GPR179: variants seen among roughly 807,000 people sequenced by gnomAD.
GPR179 encodes the protein probable G protein-coupled receptor 179.
GPR179 carries 52 observed loss-of-function variants against 70.8 expected under a neutral mutation model. That is an observed-to-expected ratio of 0.73 (90% CI 0.59 to 0.93). The LOEUF (loss-of-function observed/expected upper bound fraction) is 0.93. Ranked by LOEUF, GPR179 falls within the 40% of genes least tolerant of loss-of-function variation. The pLI, the probability that GPR179 is intolerant of heterozygous loss-of-function variation, is 0.00. For synonymous variants in GPR179, 1,123 were observed against 1,169.0 expected (o/e 0.96, Z 0.80); for missense variants, 2,734 against 2,966.8 (o/e 0.92, Z 1.82).
rs777188208 is a variant in GPR179, at chr17:38,333,983, G to A, written c.1840C>T (p.His614Tyr). The change falls in exon 9 of 11, where the codon CAC becomes TAC. Residue 614 changes from histidine to tyrosine, a missense_variant. His to Tyr is a moderately conservative substitution (Grantham distance 83). Transcript: ENST00000616987. ...PDWTLLLFFF[H>Y]THSTVTTTLA... ...GTGGTGGTGACTGTGCTGTGGGTGTGGAAGAAGAAGAGGAGGAGGGTCCAG... is the reference window on the plus strand; with the variant it reads ...GTGGTGGTGACTGTGCTGTGGGTGTAGAAGAAGAAGAGGAGGAGGGTCCAG... 3 of 1,613,880 alleles carry A rather than the reference G, an allele frequency of 1.9e-6. No homozygotes were observed. The highest frequency in any genetic ancestry group is 2.5e-6 in the Non-Finnish European group (3 of 1,179,894).
In GPR179 at chr17:38,329,637, T is replaced by A; in HGVS notation, c.3932A>T (p.Glu1311Val). Residue 1311 changes from glutamate (E) to valine (V), a missense_variant, in exon 11 of 11, where the codon GAG (glutamate) becomes GTG (valine). Physicochemically the swap from Glu to Val is moderately radical, Grantham distance 121 (BLOSUM62 -2). Transcript: ENST00000616987. ...TGCTTCCTGCTCCCTCACCAGCCTCTCTGGCTTTTTCCGCATCATGGGAAC... is the reference window on the plus strand; with the variant it reads ...TGCTTCCTGCTCCCTCACCAGCCTCACTGGCTTTTTCCGCATCATGGGAAC... Reference protein sequence around the residue: ...DVVPMMRKKPERLVREQEAVC... With the variant: ...DVVPMMRKKPVRLVREQEAVC... 6.2e-7 allele frequency: 1 copy of A among 1,614,156 alleles called. No homozygotes were observed.
chr17:38,334,789 C>T lies in GPR179; in HGVS notation c.1699G>A (p.Val567Met). 6.2e-7 allele frequency: 1 copy of T among 1,613,516 alleles called. No homozygotes were observed. Among genetic ancestry groups the T allele is most frequent in the African/African-American group, 1.3e-5 (1 of 75,028 alleles). The change falls in exon 8 of 11, where the codon GTG (valine) becomes ATG (methionine). Residue 567 changes from valine (V) to methionine (M), a missense_variant. Transcript: ENST00000616987. This position sits in a 1 kb window ranked among gnomAD's most constrained non-coding sequence, Gnocchi z 4.7. ...CGTGGCTCATGGAAGGCCGAGAGCACAGCCCGTGTGGCGTAGCAGAGGAAG... is the reference window on the plus strand; with the variant it reads ...CGTGGCTCATGGAAGGCCGAGAGCATAGCCCGTGTGGCGTAGCAGAGGAAG... ...GSFLCYATRA[V>M]LSAFHEPRYM... is the part of the protein sequence containing the mutation.
rs2144276619 is a variant in GPR179, at chr17:38,339,482, T to A, written c.838A>T (p.Asn280Tyr). Residue 280 changes from asparagine to tyrosine, a missense_variant, in exon 2 of 11, where the codon AAT becomes TAT. Coordinates refer to ENST00000616987, the MANE Select transcript of GPR179 (RefSeq NM_001004334.4). ...CAGCCTGGGCCACTTGCACACTGAT[T>A]GATGTCCACACTCTGGAGATCTACG... Reference protein sequence around the residue: ...MDVDLQSVDINQCASGPGWYS... With the variant: ...MDVDLQSVDIYQCASGPGWYS... 1 of 1,614,100 alleles carries A rather than the reference T, an allele frequency of 6.2e-7. No homozygotes were observed. The highest frequency in any genetic ancestry group is 1.1e-5 in the South Asian group (1 of 91,084).
chr17:38,326,482 G>A lies in GPR179; in HGVS notation c.7087C>T (p.Pro2363Ser). 1 of 1,608,714 alleles carries A rather than the reference G, an allele frequency of 6.2e-7. No individual in the cohort carries two copies. The highest frequency in any genetic ancestry group is 8.5e-7 in the Non-Finnish European group (1 of 1,175,924). The stretch of plus-strand genomic sequence containing the variant: ...TAAGGCTGTTACTCCCAATCCCAAG[G>A]ATAGACAGTGGGAGGGGTGAATTCT... Reference protein sequence around the residue: ...YEEFTPPTVYPWDWE With the variant: ...YEEFTPPTVYSWDWE Residue 2363 changes from proline to serine, a missense_variant, in exon 11 of 11, where the codon CCT becomes TCT. Pro to Ser is a moderately conservative substitution (Grantham distance 74, BLOSUM62 -1). Transcript: ENST00000616987.
At chr17:38,335,532 A>G in intron 6 of GPR179, 59 bp downstream of exon 6, 1 of 1,236,190 alleles carries the variant, frequency 8.1e-7, no homozygotes, top group East Asian at 2.3e-5. Flanking sequence ...CCATTCCATG[A>G]GTGAGCTGGG....
At position 38,330,367 on chromosome 17, in the gene GPR179, T is replaced by C. The variant is rs1445175085; in HGVS notation, c.3202A>G (p.Ile1068Val). 6.2e-7 allele frequency: 1 copy of C among 1,613,808 alleles called. No homozygotes were observed. Among genetic ancestry groups the C allele is most frequent in the South Asian group, 1.1e-5 (1 of 90,998 alleles). The change falls in exon 11 of 11, where the codon ATC (isoleucine) becomes GTC (valine). Residue 1068 changes from isoleucine (I) to valine (V), a missense_variant. Ile to Val is a conservative substitution (Grantham distance 29). Transcript: ENST00000616987. Reference sequence around the variant, plus strand: ...TTGAGGCTGTGGGATTTAGGGAAGATCTTGGGCCTGTCTTCGTCCACATCA... The same window carrying C: ...TTGAGGCTGTGGGATTTAGGGAAGACCTTGGGCCTGTCTTCGTCCACATCA... ...ANDVDEDRPK[I>V]FPKSHSLKAP...
In GPR179 at chr17:38,337,660, C is replaced by T; in HGVS notation, c.964G>A (p.Gly322Arg). The T allele has an allele frequency of 6.2e-7, 1 of 1,608,556 alleles. No individual in the cohort carries two copies. Among genetic ancestry groups the T allele is most frequent in the Non-Finnish European group, 8.5e-7 (1 of 1,177,534 alleles). Residue 322 changes from glycine (G) to arginine (R), a missense_variant, in exon 3 of 11, where the codon GGA becomes AGA. Coordinates refer to ENST00000616987, the MANE Select transcript of GPR179 (RefSeq NM_001004334.4). ...LGRYLCRCRP[G>R]FYGASPSGGL... ...CCAGAGGGGCTTGCCCCGTAGAATC[C>T]AGGTCGGCAGCGGCAGAGGTAGCGG...
chr17:38,336,854 A>G, intron 4 of GPR179, 124 bp downstream of exon 4: 1 of 996,760 alleles, frequency 1.0e-6, no homozygotes, highest in Non-Finnish European at 1.5e-6. Context: ...ATCATGCTAC[A>G]CAGTGAGTTA....
Position 38,339,449 on chromosome 17 carries a change from T to G in GPR179, c.871A>C (p.Asn291His). ...CTGTTGAGATCACACAGGTGTGTGT[T>G]AGAGTACCAGCCTGGGCCACTTGCA... is the stretch of plus-strand genomic sequence containing the variant. Reference protein sequence around the residue: ...QCASGPGWYSNTHLCDLNSTQ... With the variant: ...QCASGPGWYSHTHLCDLNSTQ... Residue 291 changes from asparagine to histidine, a missense_variant, in exon 2 of 11, where the codon AAC (asparagine) becomes CAC (histidine). Transcript: ENST00000616987. The G allele has an allele frequency of 6.2e-7, 1 of 1,613,734 alleles. No homozygotes were observed. The highest frequency in any genetic ancestry group is 8.5e-7 in the Non-Finnish European group (1 of 1,179,694).
chr17:38,336,843 C>T, intron 4 of GPR179, 135 bp downstream of exon 4: 2 of 901,528 alleles, frequency 2.2e-6, no homozygotes, highest in Non-Finnish European at 3.3e-6. Flanking sequence ...AAATCACTTG[C>T]ATCATGCTAC....
intron 4 of GPR179, 109 bp from the exon 5 acceptor site, chr17:38,336,253 G>A (rs2037403894): frequency 2.5e-6 from 2 of 786,596 alleles, no homozygotes; most frequent in African/African-American, 1.7e-5. Flanking sequence ...GCTTCACCCT[G>A]TAACACTGGC....
rs1288307095 is a variant in GPR179, at chr17:38,339,436, C to T, written c.884G>A (p.Cys295Tyr). 6.2e-7 allele frequency: 1 copy of T among 1,612,542 alleles called. No homozygotes were observed. Among genetic ancestry groups the T allele is most frequent in the East Asian group, 2.2e-5 (1 of 44,872 alleles). ...CCTTACCTGGGTGCTGTTGAGATCA[C>T]ACAGGTGTGTGTTAGAGTACCAGCC... ...GPGWYSNTHL[C>Y]DLNSTQCVPL... The change falls in exon 2 of 11, where the codon TGT becomes TAT. Residue 295 changes from cysteine to tyrosine, a missense_variant. By Grantham distance (194) the Cys-to-Tyr change is radical. Coordinates refer to ENST00000616987, the MANE Select transcript of GPR179 (RefSeq NM_001004334.4).
At position 38,331,301 on chromosome 17, in the gene GPR179, G is replaced by A. The variant is rs1172945960; in HGVS notation, c.2268C>T (p.Ser756=). The change falls in exon 11 of 11, where the codon AGC becomes AGT. Residue 756 remains serine (S), a synonymous_variant. Coordinates refer to ENST00000616987, the MANE Select transcript of GPR179 (RefSeq NM_001004334.4). The part of the protein sequence containing the change: ...LPGSSRRRLL[S]SSLQEPEGTP... The stretch of plus-strand genomic sequence containing the variant: ...TCCCCTCGGGTTCCTGGAGGCTGGA[G>A]CTGAGGAGCCGGCGGCGGGAGGAGC... 1 of 1,602,420 alleles carries A rather than the reference G, an allele frequency of 6.2e-7. No individual in the cohort carries two copies. Among genetic ancestry groups the A allele is most frequent in the Admixed American group, 1.7e-5 (1 of 58,200 alleles).
rs2037292236 is a variant in GPR179 at position 38,326,915 on chromosome 17, C to T, written c.6654G>A (p.Met2218Ile). ...TGATTTCCCATTGGCACAGCTCTGC[C>T]ATCCTGCTTCCCATGCTGCCTGCTT... ...PKEAGSMGSR[M>I]AELCQWEITD... is the part of the protein sequence containing the mutation. Residue 2218 changes from methionine (M) to isoleucine (I), a missense_variant, in exon 11 of 11, where the codon ATG becomes ATA. By Grantham distance (10) the Met-to-Ile change is conservative. Coordinates refer to ENST00000616987, the MANE Select transcript of GPR179 (RefSeq NM_001004334.4). 1.2e-6 allele frequency: 2 copies of T among 1,614,048 alleles called. No individual in the cohort carries two copies. The highest frequency in any genetic ancestry group is 1.3e-5 in the African/African-American group (1 of 74,910).
In GPR179 at chr17:38,326,646, CCTT is replaced by C; in HGVS notation, c.6920_6922del (p.Glu2307del). On this transcript the variant is annotated inframe_deletion, in exon 11 of 11. Transcript: ENST00000616987. ...TGAAGGTCCTTGTAGTTCTCTGACA[CCTT>C]CTAGAGTGAAAGTACTGGCTGGCCT... 1.9e-6 allele frequency: 3 copies of C among 1,614,202 alleles called. No homozygotes were observed. The highest frequency in any genetic ancestry group is 1.7e-5 in the Admixed American group (1 of 60,022).
At position 38,329,233 on chromosome 17, in the gene GPR179, G is replaced by C; in HGVS notation, c.4336C>G (p.Pro1446Ala). Reference protein sequence around the residue: ...RGPSAVSIQAPGSSECSGSLG... With the variant: ...RGPSAVSIQAAGSSECSGSLG... ...CTCCCTGAACACTCTGAGCTTCCTG[G>C]GGCCTGAATTGAGACTGCTGAGGGG... Residue 1446 changes from proline to alanine, a missense_variant, in exon 11 of 11, where the codon CCA becomes GCA. By Grantham distance (27) the Pro-to-Ala change is conservative (BLOSUM62 -1). Transcript: ENST00000616987. The C allele has an allele frequency of 1.2e-6, 2 of 1,613,810 alleles. No homozygotes were observed. Among genetic ancestry groups the C allele is most frequent in the South Asian group, 2.2e-5 (2 of 91,024 alleles).
Position 38,333,191 on chromosome 17 carries a change from C to G in GPR179, c.2037+60G>C, listed in dbSNP as rs1226894385. ...ATAGCCCAGGTGGCAGGGCCCAGTC[C>G]TCCCTCTGCCCAGTTCCTAAAAGCT... On this transcript the variant is annotated intron_variant, in intron 10 of 10. Coordinates refer to ENST00000616987, the MANE Select transcript of GPR179 (RefSeq NM_001004334.4). The G allele has an allele frequency of 3.0e-5, 46 of 1,523,158 alleles. No individual in the cohort carries two copies. In the East Asian group the frequency reaches 1.0e-3, roughly 34 times the overall value. The allele number at this position is 1,523,158 out of a possible 1,614,324, so 94.4% of individuals were successfully genotyped here.
At position 38,324,956 on chromosome 17, in the gene GPR179, T is replaced by C. The variant is rs1370079100; in HGVS notation, c.*1509A>G. Among the ~76,000 whole-genome samples, 2 of 152,204 alleles carry C rather than the reference T, an allele frequency of 1.3e-5. No individual in the cohort carries two copies. Among genetic ancestry groups the C allele is most frequent in the African/African-American group, 4.8e-5 (2 of 41,448 alleles). ...CAGACTAGATGTTAATGGCTCTTTT[T>C]CCCTTTGGGTATTTGGTCTCCCTGT... On this transcript the variant is annotated 3_prime_UTR_variant, in exon 11 of 11. Coordinates refer to ENST00000616987, the MANE Select transcript of GPR179 (RefSeq NM_001004334.4).
intron 9 of GPR179, among the ~76,000 whole-genome samples, 173 bp from the exon 10 acceptor site, chr17:38,333,570 T>C (rs1183148040): frequency 6.6e-6 from 1 of 152,186 alleles, no homozygotes; most frequent in Non-Finnish European, 1.5e-5. Flanking sequence ...TGACCTTCTC[T>C]AGCTCAGACA....
Sources: allele counts gnomAD v4.1 joint callset (sites outside exome capture counted in the v4.1 genomes callset), GRCh38; gene constraint gnomAD v4.1.1; non-coding constraint Gnocchi (gnomAD v3.1); transcripts MANE v1.5; gene names NCBI Gene and HGNC (gene_info 2026-07-23, HGNC 2026-07-21).